HSD17B12: variants seen among roughly 807,000 people sequenced by gnomAD.
HSD17B12 encodes the protein hydroxysteroid 17-beta dehydrogenase 12, also known as very-long-chain 3-oxoacyl-CoA reductase.
HSD17B12 carries 32 observed loss-of-function variants against 39.3 expected under a neutral mutation model. The observed-to-expected ratio is 0.81, with a 90% CI of 0.61 to 1.09. HSD17B12 has a LOEUF of 1.09. Among genes scored for constraint, HSD17B12 ranks in the 50% least tolerant of loss-of-function variants. The probability of loss-of-function intolerance (pLI) is 0.00; values close to 1 mark genes in which losing one functional copy is unlikely to be tolerated. For synonymous variants in HSD17B12, 150 were observed against 146.7 expected (o/e 1.02, Z -0.16); for missense variants, 342 against 382.9 (o/e 0.89, Z 0.89).
At chr11:43,778,129 A>G (rs1210164881) in intron 3 of HSD17B12, among the ~76,000 whole-genome samples, 1 of 152,140 alleles carries the variant, frequency 6.6e-6, no homozygotes, top group Non-Finnish European at 1.5e-5. Context: ...TCAAATAGAC[A>G]CAATAAAAAA....
At chr11:43,678,439 T>G (rs1455686202), upstream of HSD17B12, among the ~76,000 whole-genome samples, 2 of 152,198 alleles carry the variant, frequency 1.3e-5, no homozygotes, top group Non-Finnish European at 1.5e-5. Flanking sequence ...TTAGTTTAAT[T>G]AGATCCCATT....
chr11:43,779,043 T>C (rs1297923583), intron 3 of HSD17B12, among the ~76,000 whole-genome samples: 1 of 152,210 alleles, frequency 6.6e-6, no homozygotes, highest in African/African-American at 2.4e-5. Flanking sequence ...GATGATATAA[T>C]ATTTTAGAAT....
chr11:43,743,500 A>G (rs1307407156), intron 1 of HSD17B12, among the ~76,000 whole-genome samples: 1 of 152,186 alleles, frequency 6.6e-6, no homozygotes, highest in Non-Finnish European at 1.5e-5. Context: ...TGGAAGTATC[A>G]GGTATCTCAA....
At chr11:43,787,999 AC>A (rs1350659659) in intron 3 of HSD17B12, among the ~76,000 whole-genome samples, 1 of 152,206 alleles carries the variant, frequency 6.6e-6, no homozygotes, top group African/African-American at 2.4e-5. Context: ...AAAAGAGATT[AC>A]TTTTTTAAAA....
intron 3 of HSD17B12, among the ~76,000 whole-genome samples, chr11:43,792,911 T>C (rs1349386892): frequency 6.6e-6 from 1 of 152,118 alleles, no homozygotes; most frequent in Non-Finnish European, 1.5e-5. Context: ...TAGGGAGGAA[T>C]TCAAGAAGTA....
intron 6 of HSD17B12, among the ~76,000 whole-genome samples, chr11:43,822,601 C>T (rs565190202): frequency 9.9e-5 from 15 of 152,110 alleles, no homozygotes; most frequent in African/African-American, 3.1e-4. Context: ...TTTGGCCTTG[C>T]GATAGTTTGC....
chr11:43,774,783 T>C (rs571177053), intron 3 of HSD17B12, among the ~76,000 whole-genome samples: 2 of 152,300 alleles, frequency 1.3e-5, no homozygotes, highest in East Asian at 3.9e-4. Context: ...GGTGGAATTC[T>C]AAGATGTTCC....
intron 10 of HSD17B12, 98 bp downstream of exon 10, chr11:43,854,962 A>G: frequency 7.9e-7 from 1 of 1,271,742 alleles, no homozygotes; most frequent in Non-Finnish European, 1.1e-6. Flanking sequence ...GCACATATAC[A>G]TTGTCCAGCC....
At chr11:43,846,793 T>C (rs1030059960) in intron 9 of HSD17B12, among the ~76,000 whole-genome samples, 3 of 152,152 alleles carry the variant, frequency 2.0e-5, no homozygotes, top group Admixed American at 2.0e-4. Flanking sequence ...TAAGACCCAG[T>C]CCCTGTGCTG....
At chr11:43,811,837 A>G (rs201074273) in intron 4 of HSD17B12, among the ~76,000 whole-genome samples, 2 of 152,068 alleles carry the variant, frequency 1.3e-5, no homozygotes, top group East Asian at 3.9e-4. Flanking sequence ...AACTATATGT[A>G]CCCACTAACC....
At chr11:43,849,048 A>G (rs1951506308) in intron 9 of HSD17B12, among the ~76,000 whole-genome samples, 2 of 152,200 alleles carry the variant, frequency 1.3e-5, no homozygotes, top group African/African-American at 4.8e-5. Flanking sequence ...CACACATGTA[A>G]TCCCAACACT....
intron 1 of HSD17B12, among the ~76,000 whole-genome samples, chr11:43,699,968 A>C (rs1390461871): frequency 6.6e-6 from 1 of 152,196 alleles, no homozygotes; most frequent in African/African-American, 2.4e-5. Context: ...ATTATCAAGC[A>C]CTGTGGCCCA....
chr11:43,756,396 G>T (rs1950507980), intron 3 of HSD17B12, among the ~76,000 whole-genome samples: 1 of 152,050 alleles, frequency 6.6e-6, no homozygotes, highest in Non-Finnish European at 1.5e-5. Context: ...GTTTTGCTGA[G>T]GTCTGAATCT....
At chr11:43,824,287 A>G (rs1015203115) in intron 6 of HSD17B12, among the ~76,000 whole-genome samples, 1 of 152,180 alleles carries the variant, frequency 6.6e-6, no homozygotes, top group South Asian at 2.1e-4. Flanking sequence ...AGGTGACTCC[A>G]AGTGTTCAAT....
At chr11:43,806,271 T>A (rs1346217182) in intron 4 of HSD17B12, 1 of 152,226 alleles carries the variant, frequency 6.6e-6, no homozygotes, top group African/African-American at 2.4e-5. Flanking sequence ...GCCCCAGCCC[T>A]CTAGTCACAG....
chr11:43,749,985 A>G (rs920526371), intron 1 of HSD17B12, among the ~76,000 whole-genome samples: 2 of 152,142 alleles, frequency 1.3e-5, no homozygotes, highest in African/African-American at 4.8e-5. Flanking sequence ...ATAAATTTCA[A>G]TGTTTCTGCT....
At chr11:43,721,007 T>G (rs2134864340) in intron 1 of HSD17B12, among the ~76,000 whole-genome samples, 1 of 152,258 alleles carries the variant, frequency 6.6e-6, no homozygotes, top group Middle Eastern at 3.4e-3. Flanking sequence ...CATGACCTCT[T>G]GGCTCCTATA....
upstream of HSD17B12, among the ~76,000 whole-genome samples, chr11:43,679,042 C>T (rs188258082): frequency 1.5e-4 from 23 of 152,260 alleles, no homozygotes; most frequent in Admixed American, 3.3e-4. Flanking sequence ...GCCATTTTCA[C>T]GATATTGATT....
the HSD17B12 span, among the ~76,000 whole-genome samples, chr11:43,633,849 T>C: frequency 1.3e-5 from 2 of 151,066 alleles, no homozygotes; most frequent in Non-Finnish European, 3.0e-5. Context: ...CCGAAGTGGG[T>C]GTATCACCTG....
Sources: allele counts gnomAD v4.1 joint callset (sites outside exome capture counted in the v4.1 genomes callset), GRCh38; gene constraint gnomAD v4.1.1; transcripts MANE v1.5; gene names NCBI Gene and HGNC (gene_info 2026-07-23, HGNC 2026-07-21).